TASOR: variants seen among roughly 807,000 people sequenced by gnomAD.
TASOR encodes transcription activation suppressor, also known as protein TASOR.
In TASOR, 53 loss-of-function variants were observed where a neutral mutation model predicts 178.6. The ratio of observed to expected loss-of-function variants is 0.30; its 90% confidence interval spans 0.24 to 0.37. The LOEUF (loss-of-function observed/expected upper bound fraction) is 0.37, where lower values mean the gene tolerates loss of function less well. TASOR is among the 10% of genes least tolerant of loss of function. TASOR has a pLI of 1.00. For missense variants in TASOR, 1,815 were observed against 1,971.4 expected (o/e 0.92, Z 1.50); for synonymous variants, 713 against 696.2 (o/e 1.02, Z -0.38).
intron 18 of TASOR, among the ~76,000 whole-genome samples, chr3:56,630,221 T>C (rs572875743): frequency 1.3e-5 from 2 of 152,320 alleles, no homozygotes; most frequent in South Asian, 4.1e-4. Context: ...CGCCTCAGCC[T>C]CCCTGCTGGT....
chr3:56,665,839 G>T (rs573741445), intron 7 of TASOR, among the ~76,000 whole-genome samples: 2 of 152,162 alleles, frequency 1.3e-5, no homozygotes, highest in East Asian at 3.9e-4. Context: ...AGGCATGGTG[G>T]TATGTGCCTG....
chr3:56,626,610 G>A (rs1354056504), intron 21 of TASOR, among the ~76,000 whole-genome samples: 1 of 152,110 alleles, frequency 6.6e-6, no homozygotes, highest in African/African-American at 2.4e-5. Flanking sequence ...GGGCATGGTG[G>A]CGGGCGCCTG....
intron 3 of TASOR, among the ~76,000 whole-genome samples, chr3:56,670,530 C>T (rs1250538275): frequency 1.3e-5 from 2 of 152,072 alleles, no homozygotes; most frequent in African/African-American, 4.8e-5. Flanking sequence ...TTTCTTCATG[C>T]CAGGTGTGAC....
intron 9 of TASOR, among the ~76,000 whole-genome samples, chr3:56,661,241 G>A (rs2077587856): frequency 1.3e-5 from 2 of 152,130 alleles, no homozygotes; most frequent in Admixed American, 1.3e-4. Context: ...CAACCTCCTA[G>A]GATCAAGTGA....
chr3:56,631,558 G>A (rs193124933), intron 18 of TASOR, among the ~76,000 whole-genome samples: 38 of 100,888 alleles, frequency 3.8e-4, no homozygotes, highest in African/African-American at 5.2e-4. Context: ...ACAGAAAGGC[G>A]TGTGTGTGTG....
intron 11 of TASOR, among the ~76,000 whole-genome samples, chr3:56,650,968 G>C (rs1353098340): frequency 6.6e-6 from 1 of 152,198 alleles, no homozygotes; most frequent in Non-Finnish European, 1.5e-5. Context: ...AGATTTTCAT[G>C]TTTTGTGCTC....
chr3:56,648,631 C>CAAAAAA lies in TASOR; in HGVS notation c.1513+185_1513+190dup, dbSNP rs56218279. 2.7e-3 allele frequency among the ~76,000 whole-genome samples: 227 copies of CAAAAAA among 84,534 alleles called. 6 individuals carry two copies. Among genetic ancestry groups the CAAAAAA allele is most frequent in the African/African-American group, 5.5e-3 (139 of 25,290 alleles). The allele number at this position is 84,534 out of a possible 152,430, so 55.5% of individuals were successfully genotyped here. On this transcript the variant is annotated intron_variant, in intron 13 of 23. Coordinates refer to ENST00000683822, the MANE Select transcript of TASOR (RefSeq NM_001365635.2). ...GGGCAAGAAGAGCAAAACTCTGTAT[C>CAAAAAA]AAAAAAAAAAAAAAAAAAAAAAAAA...
chr3:56,671,955 T>G (rs1476101209), intron 2 of TASOR, among the ~76,000 whole-genome samples: 1 of 152,210 alleles, frequency 6.6e-6, no homozygotes, highest in Non-Finnish European at 1.5e-5. Context: ...CTCCCATAGA[T>G]TATAAATTCA....
At chr3:56,651,007 A>ACCTCTCACT (rs1211195922) in intron 11 of TASOR, among the ~76,000 whole-genome samples, 2 of 152,146 alleles carry the variant, frequency 1.3e-5, no homozygotes, top group Non-Finnish European at 2.9e-5. Flanking sequence ...GATGCCTTTA[A>ACCTCTCACT]CCTCTCACTC....
intron 1 of TASOR, among the ~76,000 whole-genome samples, chr3:56,681,779 C>T (rs1036986472): frequency 6.6e-6 from 1 of 152,084 alleles, no homozygotes. Flanking sequence ...TAATTTTGAC[C>T]TCCATTAGGA....
In TASOR at chr3:56,662,272, TA is replaced by T. The variant is rs372703889; in HGVS notation, c.1160+112del. On this transcript the variant is annotated intron_variant, in intron 9 of 23. Transcript: ENST00000683822. ...CATTTAAAAAACAAACCAACATTTA[TA>T]TTGAAGTTCTTATGAACCAAAATAA... 73 of 656,622 alleles carry T rather than the reference TA, an allele frequency of 1.1e-4. No individual in the cohort carries two copies. The East Asian group carries it at 2.0e-3, about 18-fold the overall frequency. 40.7% of individuals were successfully genotyped at this position (656,622 alleles called of 1,614,324 possible).
chr3:56,678,343 A>C (rs1261348454), intron 1 of TASOR, among the ~76,000 whole-genome samples: 2 of 151,636 alleles, frequency 1.3e-5, no homozygotes, highest in South Asian at 4.2e-4. Context: ...CACCAGGCCC[A>C]GCTAATTTTT....
At chr3:56,629,201 G>A (rs1487636673) in intron 18 of TASOR, 4 of 152,234 alleles carry the variant, frequency 2.6e-5, no homozygotes, top group Non-Finnish European at 5.9e-5. Context: ...AGCCAGCCAA[G>A]TAACAGTGTG....
chr3:56,644,808 C>A (rs578015076), intron 14 of TASOR, among the ~76,000 whole-genome samples: 7 of 152,220 alleles, frequency 4.6e-5, no homozygotes, highest in Admixed American at 1.3e-4. Flanking sequence ...ATAGTTACTG[C>A]AAAGAAAAGT....
At chr3:56,625,827 T>A (rs1176950278) in intron 21 of TASOR, among the ~76,000 whole-genome samples, 1 of 152,046 alleles carries the variant, frequency 6.6e-6, no homozygotes, top group Non-Finnish European at 1.5e-5. Flanking sequence ...TTTCACCATG[T>A]TGGACAGGAT....
At chr3:56,628,151 A>C (rs2076837293) in intron 19 of TASOR, among the ~76,000 whole-genome samples, 1 of 152,218 alleles carries the variant, frequency 6.6e-6, no homozygotes, top group African/African-American at 2.4e-5. Context: ...TTAAGGGAAA[A>C]GGGGACTGGT....
chr3:56,628,598 A>C lies in TASOR; in HGVS notation c.3764T>G (p.Leu1255Ter). The C allele has an allele frequency of 6.4e-7, 1 of 1,559,208 alleles. No homozygotes were observed. Among genetic ancestry groups the C allele is most frequent in the Non-Finnish European group, 8.8e-7 (1 of 1,140,890 alleles). Reference protein sequence around the residue: ...CKEIKEYLIKLGNTECHPEQF... With the variant: ...CKEIKEYLIK ...TTCAGGATGACATTCTGTATTGCCT[A>C]ATTTGATAAGATATTCCTGTTAAAG... Residue 1255 changes from leucine to a stop codon, truncating the protein, a stop_gained, in exon 19 of 24, where the codon TTA becomes TGA. Coordinates refer to ENST00000683822, the MANE Select transcript of TASOR (RefSeq NM_001365635.2). LOFTEE classifies it high-confidence loss of function.
chr3:56,670,207 A>G (rs940556630), intron 3 of TASOR, 62 bp from the exon 4 acceptor site: 1 of 1,037,286 alleles, frequency 9.6e-7, no homozygotes, highest in African/African-American at 1.6e-5. Context: ...ATGAAAAAAT[A>G]ATTTTATAAA....
intron 18 of TASOR, among the ~76,000 whole-genome samples, chr3:56,631,223 T>A (rs1457093358): frequency 6.6e-6 from 1 of 152,176 alleles, no homozygotes; most frequent in African/African-American, 2.4e-5. Flanking sequence ...AATTTCTATG[T>A]TCTTCAGGTC....
Sources: gnomAD v4.1 joint callset for allele counts (sites outside exome capture counted in the v4.1 genomes callset) on GRCh38, gnomAD v4.1.1 for gene constraint, MANE v1.5 for transcripts, NCBI Gene and HGNC (gene_info 2026-07-23, HGNC 2026-07-21) for gene names.